The following MRPL46 variants were observed in gnomAD, a reference collection of about 807,000 sequenced individuals.
MRPL46 encodes mitochondrial ribosomal protein L46.
A neutral mutation model predicts 31.0 loss-of-function variants in MRPL46; 26 were observed. The ratio of observed to expected loss-of-function variants is 0.84; its 90% confidence interval spans 0.61 to 1.16. The LOEUF (loss-of-function observed/expected upper bound fraction) is 1.16, where lower values mean the gene tolerates loss of function less well. Among genes scored for constraint, MRPL46 ranks in the 50% most tolerant of loss-of-function variants. MRPL46 has a pLI of 0.00. For synonymous variants in MRPL46, 159 were observed against 141.3 expected (o/e 1.13, Z -0.89); for missense variants, 395 against 340.0 (o/e 1.16, Z -1.27).
intron 3 of MRPL46, chr15:88,464,307 C>T: frequency 4.4e-6 from 1 of 225,446 alleles, no homozygotes; most frequent in Non-Finnish European, 8.6e-6. Flanking sequence ...TAGAACAGAT[C>T]ACGAGGGACT....
At position 88,459,739 on chromosome 15, in the gene MRPL46, T is replaced by C. The variant is rs766716247; in HGVS notation, c.714A>G (p.Leu238=). Residue 238 remains leucine, a synonymous_variant, in exon 4 of 4, where the codon CTA becomes CTG. Coordinates refer to ENST00000312475, the MANE Select transcript of MRPL46 (RefSeq NM_022163.4). ...CAGCCTGGGAAAAGTCTCCAGTTAA[T>C]AGCAGTGCTTTGAAGAAGAACACCT... is the stretch of plus-strand genomic sequence containing the variant. ...GAKVFFFKAL[L]LTGDFSQAGN... 1 of 1,614,224 alleles carries C rather than the reference T, an allele frequency of 6.2e-7. No homozygotes were observed. The highest frequency in any genetic ancestry group is 1.7e-5 in the Admixed American group (1 of 60,032).
At position 88,464,871 on chromosome 15, in the gene MRPL46, C is replaced by G; in HGVS notation, c.421G>C (p.Asp141His). ...AGGGATGTTCGGTCATTCTTTTCAT[C>G]AGCTTCTACAGCAAAGGGGGTCAGA... Reference protein sequence around the residue: ...FKLGARITEADEKNDRTSLNR... With the variant: ...FKLGARITEAHEKNDRTSLNR... Residue 141 changes from aspartate (D) to histidine (H), a missense_variant, in exon 3 of 4, where the codon GAT becomes CAT. Coordinates refer to ENST00000312475, the MANE Select transcript of MRPL46 (RefSeq NM_022163.4). The G allele has an allele frequency of 3.7e-6, 6 of 1,613,484 alleles. No individual in the cohort carries two copies. Among genetic ancestry groups the G allele is most frequent in the Non-Finnish European group, 5.1e-6 (6 of 1,179,690 alleles).
Position 88,465,776 on chromosome 15 carries a change from G to C in MRPL46, c.229-3C>G. On this transcript the variant is annotated splice_polypyrimidine_tract_variant and splice_region_variant and intron_variant, in intron 1 of 3. Coordinates refer to ENST00000312475, the MANE Select transcript of MRPL46 (RefSeq NM_022163.4). The stretch of plus-strand genomic sequence containing the variant: ...TACAGGCTTCTCTCTATCTCAATCT[G>C]GGAAAATTCAAAGGGCAAAAAACTA... The C allele has an allele frequency of 6.4e-7, 1 of 1,561,524 alleles. No homozygotes were observed. The highest frequency in any genetic ancestry group is 8.6e-7 in the Non-Finnish European group (1 of 1,160,520).
Position 88,459,803 on chromosome 15 carries a change from A to C in MRPL46, c.650T>G (p.Phe217Cys), listed in dbSNP as rs564581312. 1 of 1,614,152 alleles carries C rather than the reference A, an allele frequency of 6.2e-7. No homozygotes were observed. The highest frequency in any genetic ancestry group is 1.7e-5 in the Admixed American group (1 of 60,000). Residue 217 changes from phenylalanine (F) to cysteine (C), a missense_variant, in exon 4 of 4, where the codon TTC (phenylalanine) becomes TGC (cysteine). Coordinates refer to ENST00000312475, the MANE Select transcript of MRPL46 (RefSeq NM_022163.4). The part of the protein sequence containing the change: ...NAPCGHYTFK[F>C]PQAMRTESNL... ...ACTCTCTGTCCGCATTGCCTGGGGG[A>C]ACTTGAATGTGTAGTGCCCACAGGG...
chr15:88,463,918 G>A lies in MRPL46; in HGVS notation c.589+785C>T, dbSNP rs1414262456. The A allele has an allele frequency of 6.6e-6, 1 of 152,212 alleles. No homozygotes were observed. The highest frequency in any genetic ancestry group is 2.4e-5 in the African/African-American group (1 of 41,456). 9.4% of individuals were successfully genotyped at this position (152,212 alleles called of 1,614,324 possible). ...AGAATTCCATGCAGAGAAGTGACAA[G>A]GGATGTGTGTTTCAGAAAGCTCATT... On this transcript the variant is annotated intron_variant, in intron 3 of 3. Transcript: ENST00000312475. The surrounding 1 kb of genome is among the most constrained non-coding windows in gnomAD (Gnocchi z 5.4).
rs151073015 is a variant in MRPL46 at position 88,459,772 on chromosome 15, G to A, written c.681C>T (p.Leu227=). The change falls in exon 4 of 4, where the codon CTC becomes CTT. Residue 227 remains leucine (L), a synonymous_variant. Transcript: ENST00000312475. ...FPQAMRTESN[L]GAKVFFFKAL... The stretch of plus-strand genomic sequence containing the variant: ...CTTTGAAGAAGAACACCTTGGCTCC[G>A]AGGTTACTCTCTGTCCGCATTGCCT... 50 of 1,614,190 alleles carry A rather than the reference G, an allele frequency of 3.1e-5. No individual in the cohort carries two copies. Among genetic ancestry groups the A allele is most frequent in the Middle Eastern group, 1.6e-4 (1 of 6,062 alleles).
chr15:88,466,632 A>G (rs775403997), intron 1 of MRPL46, among the ~76,000 whole-genome samples: 10 of 152,202 alleles, frequency 6.6e-5, no homozygotes, highest in Non-Finnish European at 2.9e-5. Flanking sequence ...CCAAGACAAA[A>G]ACATCTCGGA....
chr15:88,467,359 G>C lies in MRPL46; in HGVS notation c.19C>G (p.Arg7Gly), dbSNP rs775654947. 3.8e-6 allele frequency: 6 copies of C among 1,582,668 alleles called. No homozygotes were observed. The highest frequency in any genetic ancestry group is 1.8e-5 in the Admixed American group (1 of 56,552). The change falls in exon 1 of 4, where the codon CGG becomes GGG. Residue 7 changes from arginine (R) to glycine (G), a missense_variant. Arg to Gly is a moderately radical substitution (Grantham distance 125). Coordinates refer to ENST00000312475, the MANE Select transcript of MRPL46 (RefSeq NM_022163.4). MAAPVR[R>G]TLLGVAGGWR... ...CCCCCCGCCACCCCTAACAGCGTCC[G>C]CCTTACGGGCGCCGCCATCTTTCGT...
chr15:88,466,089 C>G (rs1567040787), intron 1 of MRPL46, among the ~76,000 whole-genome samples: 1 of 152,206 alleles, frequency 6.6e-6, no homozygotes, highest in Non-Finnish European at 1.5e-5. Context: ...AGTCTTTGAT[C>G]AGAATCTCAC....
Position 88,465,037 on chromosome 15 carries a change from G to A in MRPL46, c.416-161C>T, listed in dbSNP as rs191533247. The A allele has an allele frequency of 1.1e-3, 700 of 647,206 alleles. 3 individuals are homozygous for A. The highest frequency in any genetic ancestry group is 9.1e-4 in the Admixed American group (24 of 26,384). 40.1% of individuals were successfully genotyped at this position (647,206 alleles called of 1,614,324 possible). On this transcript the variant is annotated intron_variant, in intron 2 of 3. Coordinates refer to ENST00000312475, the MANE Select transcript of MRPL46 (RefSeq NM_022163.4). The stretch of plus-strand genomic sequence containing the variant: ...ATCTCTCTAACTCTGACCTCTTCCA[G>A]GGAAGAGTCTCACAATCTTGAGGAA...
In MRPL46 at chr15:88,465,681, A is replaced by G. The variant is rs2055519252; in HGVS notation, c.321T>C (p.Asp107=). 3.1e-6 allele frequency: 5 copies of G among 1,613,946 alleles called. No homozygotes were observed. In the African/African-American group the frequency reaches 6.7e-5, roughly 22 times the overall value. ...RLAKKKADLH[D]EEDEQDILLA... is the part of the protein sequence containing the mutation. ...GCAATATATCCTGTTCATCTTCTTC[A>G]TCATGAAGGTCAGCTTTCTTCTTTG... Residue 107 remains aspartate (D), a synonymous_variant, in exon 2 of 4, where the codon GAT becomes GAC. Transcript: ENST00000312475.
chr15:88,464,836 C>T lies in MRPL46; in HGVS notation c.456G>A (p.Lys152=), dbSNP rs745707679. ...CTAACAGGACAAGGTTCCTGTCTAGCTTCCTGTTCAGGGATGTTCGGTCAT... is the reference window on the plus strand; with the variant it reads ...CTAACAGGACAAGGTTCCTGTCTAGTTTCCTGTTCAGGGATGTTCGGTCAT... ...EKNDRTSLNR[K]LDRNLVLLVR... The change falls in exon 3 of 4, where the codon AAG becomes AAA. Residue 152 remains lysine (K), a synonymous_variant. Coordinates refer to ENST00000312475, the MANE Select transcript of MRPL46 (RefSeq NM_022163.4). The T allele has an allele frequency of 6.2e-7, 1 of 1,614,174 alleles. No individual in the cohort carries two copies.
Position 88,465,750 on chromosome 15 carries a change from A to C in MRPL46, c.252T>G (p.Tyr84Ter). The C allele has an allele frequency of 6.2e-7, 1 of 1,605,274 alleles. No individual in the cohort carries two copies. The highest frequency in any genetic ancestry group is 8.5e-7 in the Non-Finnish European group (1 of 1,177,946). Residue 84 changes from tyrosine to a stop codon, truncating the protein, a stop_gained, in exon 2 of 4, where the codon TAT becomes TAG. Coordinates refer to ENST00000312475, the MANE Select transcript of MRPL46 (RefSeq NM_022163.4). LOFTEE classifies it high-confidence loss of function. ...CCAGAGCACGAAGCTCGTGGTCTGA[A>C]TACAGGCTTCTCTCTATCTCAATCT... Reference protein sequence around the residue: ...LQQIEIERSLYSDHELRALDE... With the variant: ...LQQIEIERSL
chr15:88,460,059 C>A, intron 3 of MRPL46, 196 bp from the exon 4 acceptor site: 1 of 627,792 alleles, frequency 1.6e-6, no homozygotes, highest in Non-Finnish European at 2.7e-6. Flanking sequence ...CCCATGGAGT[C>A]CAGATTCACC....
At position 88,459,695 on chromosome 15, in the gene MRPL46, A is replaced by C; in HGVS notation, c.758T>G (p.Val253Gly). The C allele has an allele frequency of 6.2e-7, 1 of 1,614,162 alleles. No individual in the cohort carries two copies. The highest frequency in any genetic ancestry group is 1.3e-5 in the African/African-American group (1 of 75,022). ...ACCCAGCTCATCCTTAGTGACCCAC[A>C]CATGATGGCCCTTATTCCCAGCCTG... The part of the protein sequence containing the change: ...FSQAGNKGHH[V>G]WVTKDELGDY... Residue 253 changes from valine (V) to glycine (G), a missense_variant, in exon 4 of 4, where the codon GTG becomes GGG. Physicochemically the swap from Val to Gly is moderately radical, Grantham distance 109. Coordinates refer to ENST00000312475, the MANE Select transcript of MRPL46 (RefSeq NM_022163.4).
intron 3 of MRPL46, 196 bp from the exon 4 acceptor site, chr15:88,460,059 CCA>C (rs2055463378): frequency 2.7e-5 from 17 of 627,674 alleles, no homozygotes; most frequent in Non-Finnish European, 4.6e-5. Context: ...CCCATGGAGT[CCA>C]GATTCACCAG....
At chr15:88,461,959 A>G (rs906936290) in intron 3 of MRPL46, 4 of 152,258 alleles carry the variant, frequency 2.6e-5, no homozygotes, top group Admixed American at 6.5e-5. Context: ...ACAACAGTGT[A>G]TAAACATGTT....
chr15:88,462,277 T>G (rs906908174), intron 3 of MRPL46: 1 of 152,224 alleles, frequency 6.6e-6, no homozygotes. Context: ...GCATATTTCT[T>G]TACACTTTCC....
intron 3 of MRPL46, chr15:88,462,970 C>G (rs1238856411): frequency 6.6e-6 from 1 of 152,148 alleles, no homozygotes; most frequent in Non-Finnish European, 1.5e-5. Flanking sequence ...AAGCATAGTG[C>G]TTGGGTAGAA....
Sources: gnomAD v4.1 joint callset for allele counts (sites outside exome capture counted in the v4.1 genomes callset) on GRCh38, gnomAD v4.1.1 for gene constraint, Gnocchi (gnomAD v3.1) non-coding constraint, MANE v1.5 for transcripts, NCBI Gene and HGNC (gene_info 2026-07-23, HGNC 2026-07-21) for gene names.